Variants in MTPAP observed in about 807,000 individuals in gnomAD.
MTPAP encodes poly(A) RNA polymerase, mitochondrial.
A neutral mutation model predicts 48.7 loss-of-function variants in MTPAP; 23 were observed. The observed-to-expected ratio is 0.47, with a 90% CI of 0.34 to 0.67. The LOEUF is 0.67. Ranked by LOEUF, MTPAP falls within the 30% of genes least tolerant of loss-of-function variation. MTPAP has a pLI of 0.01. For synonymous variants in MTPAP, 257 were observed against 254.1 expected, an observed-to-expected ratio of 1.01 and a Z score of -0.11; for missense variants, 614 against 694.3, an observed-to-expected ratio of 0.88 and a Z score of 1.30.
At chr10:30,336,581 A>C (rs898654478) in intron 4 of MTPAP, among the ~76,000 whole-genome samples, 1 of 152,226 alleles carries the variant, frequency 6.6e-6, no homozygotes, top group Non-Finnish European at 1.5e-5. Flanking sequence ...ACAATTAACT[A>C]TTTGATTGCA....
intron 4 of MTPAP, among the ~76,000 whole-genome samples, chr10:30,330,452 A>G (rs1834652043): frequency 6.6e-6 from 1 of 152,228 alleles, no homozygotes; most frequent in Admixed American, 6.5e-5. Flanking sequence ...GGTGGACTCA[A>G]TCTCAGAAGC....
intron 3 of MTPAP, among the ~76,000 whole-genome samples, chr10:30,337,724 G>C (rs1834746418): frequency 6.6e-6 from 1 of 152,122 alleles, no homozygotes; most frequent in Admixed American, 6.6e-5. Flanking sequence ...AAGTACTCCA[G>C]AAGAGGTTAA....
intron 4 of MTPAP, among the ~76,000 whole-genome samples, chr10:30,327,807 C>CT (rs1328287192): frequency 6.7e-6 from 1 of 149,974 alleles, no homozygotes; most frequent in Non-Finnish European, 1.5e-5. Context: ...GATCACACCA[C>CT]TGCACTCCAG....
rs1175694851 is a variant in MTPAP, at chr10:30,312,324, T to C, written c.*1285A>G. ...GGCCAGGCATGGTGGCTCACGCTTG[T>C]AATCCCAGCACTTTGGGAGGTTGAG... is the stretch of plus-strand genomic sequence containing the variant. On this transcript the variant is annotated 3_prime_UTR_variant, in exon 9 of 9. Coordinates refer to ENST00000263063, the MANE Select transcript of MTPAP (RefSeq NM_018109.4). The C allele has an allele frequency of 6.6e-6, 1 of 152,150 alleles. No individual in the cohort carries two copies. Among genetic ancestry groups the C allele is most frequent in the African/African-American group, 2.4e-5 (1 of 41,430 alleles). The allele number at this position is 152,150 out of a possible 1,614,324, so 9.4% of individuals were successfully genotyped here.
At position 30,312,569 on chromosome 10, in the gene MTPAP, C is replaced by CAAAAAAAAA. The variant is rs61386643; in HGVS notation, c.*1031_*1039dup. 1.4e-4 allele frequency: 12 copies of CAAAAAAAAA among 85,660 alleles called. No homozygotes were observed. Among genetic ancestry groups the CAAAAAAAAA allele is most frequent in the South Asian group, 8.3e-4 (2 of 2,408 alleles). 5.3% of individuals were successfully genotyped at this position (85,660 alleles called of 1,614,324 possible). ...TGGGCGACAGAGCGAGACTCTGTCT[C>CAAAAAAAAA]AAAAAAAAAAAAAAAAAAAAAAGAA... is the stretch of plus-strand genomic sequence containing the variant. On this transcript the variant is annotated 3_prime_UTR_variant, in exon 9 of 9. Transcript: ENST00000263063.
chr10:30,337,130 T>C, intron 3 of MTPAP, 103 bp from the exon 4 acceptor site: 1 of 1,001,390 alleles, frequency 1.0e-6, no homozygotes, highest in Non-Finnish European at 1.5e-6. Context: ...AGACCTACCT[T>C]AGAAATATGC....
chr10:30,336,087 T>G (rs1834727697), intron 4 of MTPAP, among the ~76,000 whole-genome samples: 1 of 152,050 alleles, frequency 6.6e-6, no homozygotes. Flanking sequence ...CAGGAGAAAT[T>G]AGTCCAAGAA....
chr10:30,336,736 C>G, intron 4 of MTPAP, 67 bp downstream of exon 4: 1 of 1,259,328 alleles, frequency 7.9e-7, no homozygotes, highest in Non-Finnish European at 1.2e-6. Flanking sequence ...TTATTAAGTT[C>G]AAAGATTTTT....
chr10:30,319,554 C>G (rs1840698696), intron 6 of MTPAP, among the ~76,000 whole-genome samples: 1 of 151,966 alleles, frequency 6.6e-6, no homozygotes, highest in Non-Finnish European at 1.5e-5. Flanking sequence ...GTTTAATGTC[C>G]ACCAAAGTTG....
intron 4 of MTPAP, among the ~76,000 whole-genome samples, chr10:30,334,464 C>A (rs973058796): frequency 1.2e-4 from 18 of 151,906 alleles, no homozygotes; most frequent in Non-Finnish European, 2.6e-4. Flanking sequence ...AGTTCCAGAC[C>A]AGCCTGGCCA....
intron 4 of MTPAP, among the ~76,000 whole-genome samples, chr10:30,335,828 G>A (rs1374818766): frequency 6.6e-6 from 1 of 152,032 alleles, no homozygotes; most frequent in Non-Finnish European, 1.5e-5. Flanking sequence ...TGACCAAGGA[G>A]GTAAAACCCC....
At chr10:30,314,710 T>C (rs540778955) in intron 8 of MTPAP, among the ~76,000 whole-genome samples, 2 of 151,454 alleles carry the variant, frequency 1.3e-5, no homozygotes, top group South Asian at 4.2e-4. Context: ...CCATCTCTAC[T>C]AAAAATACAA....
At chr10:30,329,595 T>C (rs1459387871) in intron 4 of MTPAP, among the ~76,000 whole-genome samples, 1 of 152,146 alleles carries the variant, frequency 6.6e-6, no homozygotes, top group Non-Finnish European at 1.5e-5. Flanking sequence ...GACTCATCCA[T>C]ATTCCTGGCC....
At chr10:30,337,628 T>C (rs1250301560) in intron 3 of MTPAP, among the ~76,000 whole-genome samples, 2 of 152,130 alleles carry the variant, frequency 1.3e-5, no homozygotes, top group African/African-American at 2.4e-5. Flanking sequence ...CTCTGAGGAA[T>C]GCCACTAGCA....
chr10:30,314,884 C>CAAAAAAAAAAA (rs34249388), intron 8 of MTPAP, among the ~76,000 whole-genome samples: 389 of 110,606 alleles, frequency 3.5e-3, no homozygotes, highest in Middle Eastern at 0.022. Context: ...AAAACAAAAA[C>CAAAAAAAAAAA]AAAAAAAAAA....
chr10:30,335,480 T>A (rs1182697495), intron 4 of MTPAP, among the ~76,000 whole-genome samples: 2 of 152,128 alleles, frequency 1.3e-5, no homozygotes, highest in Non-Finnish European at 2.9e-5. Context: ...AGCAAGAGAC[T>A]CTATCTCCAA....
intron 4 of MTPAP, among the ~76,000 whole-genome samples, chr10:30,333,564 G>T (rs1403531024): frequency 1.3e-5 from 2 of 152,140 alleles, no homozygotes; most frequent in Non-Finnish European, 2.9e-5. Flanking sequence ...TAATTTAAGT[G>T]CCACTGCCAG....
intron 1 of MTPAP, among the ~76,000 whole-genome samples, chr10:30,342,543 C>CAA (rs59507352): frequency 0.38 from 51,183 of 135,796 alleles, 11,191 homozygotes; most frequent in Middle Eastern, 0.54. Flanking sequence ...CGGAGTTCCA[C>CAA]AAAAAAAAAA....
intron 4 of MTPAP, among the ~76,000 whole-genome samples, chr10:30,332,786 T>A (rs1834684869): frequency 6.6e-6 from 1 of 151,224 alleles, no homozygotes; most frequent in Admixed American, 6.6e-5. Context: ...TGTTCGAGAC[T>A]ATCCTGGGTA....
Sources: gnomAD v4.1 joint callset for allele counts (sites outside exome capture counted in the v4.1 genomes callset) on GRCh38, gnomAD v4.1.1 for gene constraint, MANE v1.5 for transcripts, NCBI Gene and HGNC (gene_info 2026-07-23, HGNC 2026-07-21) for gene names.